The following XIRP2 variants were observed in gnomAD, a reference collection of about 807,000 sequenced individuals.
The protein encoded by XIRP2 is xin actin-binding repeat-containing protein 2.
In XIRP2, 236 loss-of-function variants were observed where a neutral mutation model predicts 277.0. The ratio of observed to expected loss-of-function variants is 0.85; its 90% CI spans 0.77 to 0.95. The LOEUF is 0.95. XIRP2 is among the 40% of genes least tolerant of loss of function. XIRP2 has a pLI of 0.00. For missense variants in XIRP2, 4,640 were observed against 4,157.5 expected (o/e 1.12, Z -3.19); for synonymous variants, 1,490 against 1,416.5 (o/e 1.05, Z -1.17).
At chr2:166,892,932 G>A (rs1003112823) in intron 1 of XIRP2, among the ~76,000 whole-genome samples, 1 of 148,020 alleles carries the variant, frequency 6.8e-6, no homozygotes, top group African/African-American at 2.5e-5. Context: ...GTATATATGT[G>A]TATATGTGTA....
At chr2:167,200,760 A>G (rs575809892) in intron 3 of XIRP2, among the ~76,000 whole-genome samples, 2 of 152,268 alleles carry the variant, frequency 1.3e-5, no homozygotes, top group African/African-American at 4.8e-5. Flanking sequence ...AGGTCTGACA[A>G]CCATGCCTAG....
Position 167,130,729 on chromosome 2 carries a change from T to C in XIRP2, c.409-5180T>C, listed in dbSNP as rs556041424. Among the ~76,000 whole-genome samples the C allele has an allele frequency of 2.0e-5, 3 of 152,240 alleles. No individual in the cohort carries two copies. In the East Asian group the frequency reaches 5.8e-4, roughly 29 times the overall value. On this transcript the variant is annotated intron_variant, in intron 2 of 10. Transcript: ENST00000409195. ...TCAATCGCTCTCTTAGATCTCTTGGTGGCGACCTAAATTTCCTGTACCTGG... is the reference window on the plus strand; with the variant it reads ...TCAATCGCTCTCTTAGATCTCTTGGCGGCGACCTAAATTTCCTGTACCTGG...
chr2:166,965,184 A>G (rs1686399177), intron 2 of XIRP2, among the ~76,000 whole-genome samples: 1 of 151,900 alleles, frequency 6.6e-6, no homozygotes, highest in Non-Finnish European at 1.5e-5. Flanking sequence ...TGATTAGAAC[A>G]TGAAGAGTCA....
intron 3 of XIRP2, among the ~76,000 whole-genome samples, chr2:167,156,820 A>G (rs1353997112): frequency 6.6e-6 from 1 of 152,194 alleles, no homozygotes; most frequent in East Asian, 1.9e-4. Flanking sequence ...ATCAACCTGA[A>G]ATGATAATTG....
At chr2:167,220,521 A>C (rs1338400111) in intron 5 of XIRP2, among the ~76,000 whole-genome samples, 1 of 152,194 alleles carries the variant, frequency 6.6e-6, no homozygotes, top group Non-Finnish European at 1.5e-5. Context: ...ACAAAGTATC[A>C]CCTTTATCAG....
chr2:167,201,723 A>T lies in XIRP2; in HGVS notation c.563-9012A>T, dbSNP rs1296872954. 2.6e-5 allele frequency among the ~76,000 whole-genome samples: 4 copies of T among 152,262 alleles called. No individual in the cohort carries two copies. In the East Asian group the frequency reaches 5.8e-4, roughly 22 times the overall value. On this transcript the variant is annotated intron_variant, in intron 3 of 10. Coordinates refer to ENST00000409195, the MANE Select transcript of XIRP2 (RefSeq NM_152381.6). The stretch of plus-strand genomic sequence containing the variant: ...AATTCAGCTTATTTATTTCCCTTTG[A>T]TTTATCCTTAGATTATGCTGAAGTC...
intron 3 of XIRP2, among the ~76,000 whole-genome samples, chr2:167,170,196 T>C (rs1335309872): frequency 2.6e-5 from 4 of 152,170 alleles, no homozygotes; most frequent in Admixed American, 2.6e-4. Context: ...TATATTGCTA[T>C]ATTTAAGTTT....
chr2:167,180,508 G>T (rs1164767957), intron 3 of XIRP2, among the ~76,000 whole-genome samples: 1 of 151,866 alleles, frequency 6.6e-6, no homozygotes, highest in Non-Finnish European at 1.5e-5. Flanking sequence ...GTTGAATTTT[G>T]CATTTTTTGC....
At chr2:167,046,954 T>C (rs374910689) in intron 2 of XIRP2, among the ~76,000 whole-genome samples, 2 of 151,790 alleles carry the variant, frequency 1.3e-5, no homozygotes, top group African/African-American at 2.4e-5. Flanking sequence ...AAAAAGAAAT[T>C]TCATAAATTT....
intron 2 of XIRP2, among the ~76,000 whole-genome samples, chr2:167,070,575 A>G (rs1323045894): frequency 1.8e-4 from 27 of 152,196 alleles, no homozygotes; most frequent in Admixed American, 1.7e-3. Flanking sequence ...ATTGAGATAC[A>G]TTGTTATTTA....
At chr2:167,023,967 A>T (rs1688065244) in intron 2 of XIRP2, among the ~76,000 whole-genome samples, 1 of 152,046 alleles carries the variant, frequency 6.6e-6, no homozygotes, top group Non-Finnish European at 1.5e-5. Context: ...ATGAACTTTA[A>T]ATTAGTTTTT....
At chr2:167,209,045 T>A (rs1469700902) in intron 3 of XIRP2, among the ~76,000 whole-genome samples, 3 of 152,190 alleles carry the variant, frequency 2.0e-5, no homozygotes, top group African/African-American at 7.2e-5. Context: ...TGGAGGAGTC[T>A]TTTGTATGGC....
chr2:167,114,701 T>C (rs1690848974), intron 2 of XIRP2, among the ~76,000 whole-genome samples: 1 of 151,298 alleles, frequency 6.6e-6, no homozygotes. Flanking sequence ...CGGTGTTTGG[T>C]TTTTTGTCCT....
At chr2:167,222,734 G>C (rs1298502341) in intron 5 of XIRP2, among the ~76,000 whole-genome samples, 4 of 152,162 alleles carry the variant, frequency 2.6e-5, no homozygotes, top group African/African-American at 4.8e-5. Flanking sequence ...GGTATCTCTA[G>C]ATATGCTGGA....
At chr2:166,913,211 T>C (rs891689288) in intron 2 of XIRP2, among the ~76,000 whole-genome samples, 1 of 152,124 alleles carries the variant, frequency 6.6e-6, no homozygotes, top group Non-Finnish European at 1.5e-5. Flanking sequence ...AGGTGGAGTC[T>C]ACAGAGGCAG....
At position 167,249,998 on chromosome 2, in the gene XIRP2, T is replaced by A. The variant is rs376778393; in HGVS notation, c.8606T>A (p.Phe2869Tyr). 19 of 1,613,506 alleles carry A rather than the reference T, an allele frequency of 1.2e-5. No homozygotes were observed. In the African/African-American group the frequency reaches 2.1e-4, roughly 18 times the overall value. ...CATCTTGATTCACAGACTCAGAATT[T>A]TCAGCAAACACAAATACAGACCGCT... ...DAHLDSQTQN[F>Y]QQTQIQTAES... The change falls in exon 9 of 11, where the codon TTT becomes TAT. Residue 2869 changes from phenylalanine (F) to tyrosine (Y), a missense_variant. By Grantham distance (22) the Phe-to-Tyr change is conservative. Transcript: ENST00000409195.
At chr2:167,003,885 C>A (rs1396180364) in intron 2 of XIRP2, among the ~76,000 whole-genome samples, 1 of 151,700 alleles carries the variant, frequency 6.6e-6, no homozygotes, top group African/African-American at 2.4e-5. Context: ...ACATCTTTAT[C>A]CATCTGGAAT....
chr2:166,931,933 T>A (rs1295485269), intron 2 of XIRP2, among the ~76,000 whole-genome samples: 1 of 152,206 alleles, frequency 6.6e-6, no homozygotes, highest in African/African-American at 2.4e-5. Flanking sequence ...TATTTATATG[T>A]GTATTTTTAA....
intron 2 of XIRP2, among the ~76,000 whole-genome samples, chr2:166,913,316 C>G (rs949745379): frequency 2.3e-5 from 3 of 131,176 alleles, no homozygotes; most frequent in African/African-American, 7.7e-5. Context: ...GGGCACCCCC[C>G]CCCCCCAGCC....
Sources: allele counts gnomAD v4.1 joint callset (sites outside exome capture counted in the v4.1 genomes callset), GRCh38; gene constraint gnomAD v4.1.1; transcripts MANE v1.5; gene names NCBI Gene and HGNC (gene_info 2026-07-23, HGNC 2026-07-21).